TTC29: variants seen among roughly 807,000 people sequenced by gnomAD.
TTC29 encodes tetratricopeptide repeat protein 29.
Under a neutral mutation model 58.1 loss-of-function variants are expected in TTC29, and 49 were observed. The observed-to-expected ratio is 0.84, with a 90% CI of 0.67 to 1.07. The LOEUF is 1.07. TTC29 is among the 50% of genes least tolerant of loss of function. The probability of loss-of-function intolerance (pLI) is 0.00; values close to 1 mark genes in which losing one functional copy is unlikely to be tolerated. For synonymous variants in TTC29, 209 were observed against 196.8 expected (o/e 1.06, Z -0.52); for missense variants, 582 against 555.6 (o/e 1.05, Z -0.48).
chr4:146,744,599 T>C (rs931308080), intron 11 of TTC29, among the ~76,000 whole-genome samples: 1 of 152,128 alleles, frequency 6.6e-6, no homozygotes, highest in Middle Eastern at 3.2e-3. Flanking sequence ...CATAATTAAA[T>C]TACTCCATCA....
rs560393981 is a variant in TTC29 at position 146,796,830 on chromosome 4, T to C, written c.1330+6627A>G. The stretch of plus-strand genomic sequence containing the variant: ...TTCCAGGTCTGGATGCAAAGATGTA[T>C]GCCATGAGTCTGAAACAATTTCTCA... On this transcript the variant is annotated intron_variant, in intron 11 of 12. Transcript: ENST00000325106. Among the ~76,000 whole-genome samples the C allele has an allele frequency of 4.7e-4, 72 of 152,278 alleles. 1 individual carries two copies. In the South Asian group the frequency reaches 5.4e-3, roughly 11 times the overall value.
Position 146,927,949 on chromosome 4 carries a change from A to G in TTC29, c.176+9645T>C, listed in dbSNP as rs1351216591. 2.6e-5 allele frequency among the ~76,000 whole-genome samples: 4 copies of G among 152,190 alleles called. No individual in the cohort carries two copies. In the East Asian group the frequency reaches 7.7e-4, roughly 29 times the overall value. ...ATACGAGCAGAGCAGCAATGGCCTCAGCTCTCTTGAAGCTTGTAGTCAAGT... is the reference window on the plus strand; with the variant it reads ...ATACGAGCAGAGCAGCAATGGCCTCGGCTCTCTTGAAGCTTGTAGTCAAGT... On this transcript the variant is annotated intron_variant, in intron 4 of 12. Coordinates refer to ENST00000325106, the MANE Select transcript of TTC29 (RefSeq NM_031956.4).
At chr4:146,872,217 C>T (rs1386015639) in intron 7 of TTC29, among the ~76,000 whole-genome samples, 1 of 151,818 alleles carries the variant, frequency 6.6e-6, no homozygotes, top group Non-Finnish European at 1.5e-5. Flanking sequence ...AAGTCGTACC[C>T]TCCTCACACC....
chr4:146,856,753 T>C (rs942038840), intron 8 of TTC29, among the ~76,000 whole-genome samples: 1 of 151,050 alleles, frequency 6.6e-6, no homozygotes, highest in Non-Finnish European at 1.5e-5. Context: ...TTAAAAATGA[T>C]TTAAAGAGCT....
intron 5 of TTC29, 57 bp from the exon 6 acceptor site, chr4:146,903,786 C>A: frequency 2.4e-6 from 3 of 1,261,896 alleles, no homozygotes; most frequent in Non-Finnish European, 3.1e-6. Flanking sequence ...ATGGCACACC[C>A]TTTAGAACGG....
chr4:146,743,551 G>A (rs917547740), intron 11 of TTC29, among the ~76,000 whole-genome samples: 3 of 152,046 alleles, frequency 2.0e-5, no homozygotes, highest in African/African-American at 7.2e-5. Context: ...AAGACACTCT[G>A]GTTTTATGGC....
At chr4:146,768,599 G>T (rs1747500378) in intron 11 of TTC29, among the ~76,000 whole-genome samples, 1 of 151,824 alleles carries the variant, frequency 6.6e-6, no homozygotes, top group South Asian at 2.1e-4. Flanking sequence ...AACTAGGCTG[G>T]CTGAGCTGTG....
At chr4:146,913,756 T>C (rs1282356529) in intron 4 of TTC29, among the ~76,000 whole-genome samples, 1 of 152,136 alleles carries the variant, frequency 6.6e-6, no homozygotes, top group African/African-American at 2.4e-5. Flanking sequence ...TAAAATCATT[T>C]CCACTTGATT....
chr4:146,793,624 T>G (rs1749626909), intron 11 of TTC29, among the ~76,000 whole-genome samples: 1 of 152,164 alleles, frequency 6.6e-6, no homozygotes, highest in Non-Finnish European at 1.5e-5. Flanking sequence ...ATCTCCAAGG[T>G]ATGCCTCTAT....
intron 11 of TTC29, among the ~76,000 whole-genome samples, chr4:146,747,560 G>A (rs1745640664): frequency 6.6e-6 from 1 of 152,160 alleles, no homozygotes; most frequent in African/African-American, 2.4e-5. Flanking sequence ...CATTCCCCTG[G>A]CTCCAGAGCA....
At chr4:146,776,637 G>A (rs780671822) in intron 11 of TTC29, among the ~76,000 whole-genome samples, 1 of 152,118 alleles carries the variant, frequency 6.6e-6, no homozygotes, top group Non-Finnish European at 1.5e-5. Flanking sequence ...TGGAGGTTAG[G>A]AATCTGCTGC....
At chr4:146,722,963 G>T (rs1327953340) in intron 11 of TTC29, among the ~76,000 whole-genome samples, 2 of 152,128 alleles carry the variant, frequency 1.3e-5, no homozygotes, top group Non-Finnish European at 2.9e-5. Context: ...CTCCCAAAGT[G>T]CTGGGATTAC....
At chr4:146,839,109 C>T (rs1247619878) in intron 8 of TTC29, among the ~76,000 whole-genome samples, 1 of 151,974 alleles carries the variant, frequency 6.6e-6, no homozygotes, top group African/African-American at 2.4e-5. Flanking sequence ...ATATACCCTA[C>T]ACTCCATTTT....
At chr4:146,743,002 G>A (rs1347236243) in intron 11 of TTC29, among the ~76,000 whole-genome samples, 1 of 152,090 alleles carries the variant, frequency 6.6e-6, no homozygotes, top group Admixed American at 6.6e-5. Flanking sequence ...AAAAGCATCA[G>A]CTAACTTGTT....
intron 11 of TTC29, among the ~76,000 whole-genome samples, chr4:146,722,197 G>A (rs1047250458): frequency 1.6e-4 from 24 of 152,150 alleles, no homozygotes; most frequent in Non-Finnish European, 2.9e-5. Flanking sequence ...AACATTCCAT[G>A]TTCATGGATT....
rs560322023 is a variant in TTC29, at chr4:146,718,070, AT to A, written c.1331-10520del. ...GATATTGCAAATGACAGGATTTATC[AT>A]TTTTTAAGGCTGAATAATACTTCAT... On this transcript the variant is annotated intron_variant, in intron 11 of 12. Transcript: ENST00000325106. Among the ~76,000 whole-genome samples, 343 of 152,206 alleles carry A rather than the reference AT, an allele frequency of 2.3e-3. 2 individuals are homozygous for A. The highest frequency in any genetic ancestry group is 7.8e-3 in the African/African-American group (325 of 41,530).
chr4:146,880,611 A>T (rs1235088335), intron 6 of TTC29, among the ~76,000 whole-genome samples: 2 of 152,174 alleles, frequency 1.3e-5, no homozygotes, highest in Admixed American at 1.3e-4. Flanking sequence ...GTATCACAGC[A>T]GATGTCTAGA....
At chr4:146,837,561 A>T (rs1164584849) in intron 8 of TTC29, among the ~76,000 whole-genome samples, 1 of 152,152 alleles carries the variant, frequency 6.6e-6, no homozygotes, top group Non-Finnish European at 1.5e-5. Context: ...TGCTTAAAGC[A>T]GGTAAGGTAT....
At chr4:146,754,988 G>A (rs1337041546) in intron 11 of TTC29, among the ~76,000 whole-genome samples, 1 of 151,966 alleles carries the variant, frequency 6.6e-6, no homozygotes, top group East Asian at 1.9e-4. Context: ...ACATGATCCT[G>A]TATGTGAAAA....
Sources: allele counts gnomAD v4.1 joint callset (sites outside exome capture counted in the v4.1 genomes callset), GRCh38; gene constraint gnomAD v4.1.1; transcripts MANE v1.5; gene names NCBI Gene and HGNC (gene_info 2026-07-23, HGNC 2026-07-21).